Variants in TYRO3 observed in about 807,000 individuals in gnomAD.
The protein encoded by TYRO3 is TYRO3 protein tyrosine kinase, also known as tyrosine-protein kinase receptor TYRO3.
Under a neutral mutation model 95.2 loss-of-function variants are expected in TYRO3, and 38 were observed. The ratio of observed to expected loss-of-function variants is 0.40; its 90% CI spans 0.31 to 0.52. The LOEUF is 0.52. Ranked by LOEUF, TYRO3 falls within the 20% of genes least tolerant of loss-of-function variation. The pLI is 0.56. For missense variants in TYRO3, 812 were observed against 1,116.4 expected, an observed-to-expected ratio of 0.73 and a Z score of 3.89; for synonymous variants, 367 against 432.9, an observed-to-expected ratio of 0.85 and a Z score of 1.89.
In TYRO3 at chr15:41,573,131, C is replaced by A. The variant is rs199869325; in HGVS notation, c.1985+20C>A. On this transcript the variant is annotated intron_variant, in intron 16 of 18. Coordinates refer to ENST00000263798, the MANE Select transcript of TYRO3 (RefSeq NM_006293.4). ...TTGCATGTACGAATTCTGGAGGACT[C>A]GAGGGTGGGAGACAGCAGCAGGTGC... 1.0e-6 allele frequency: 1 copy of A among 1,003,102 alleles called. No individual in the cohort carries two copies. The highest frequency in any genetic ancestry group is 2.3e-5 in the East Asian group (1 of 43,164). The allele number at this position is 1,003,102 out of a possible 1,614,324, so 62.1% of individuals were successfully genotyped here.
At chr15:41,561,803 C>G (rs2055661786) in intron 3 of TYRO3, 164 bp downstream of exon 3, 1 of 523,010 alleles carries the variant, frequency 1.9e-6, no homozygotes, top group Admixed American at 3.6e-5. Context: ...GAAGACCCTA[C>G]CAGTTGGAGT....
intron 18 of TYRO3, among the ~76,000 whole-genome samples, chr15:41,575,897 G>A (rs1031117618): frequency 6.6e-6 from 1 of 151,908 alleles, no homozygotes; most frequent in East Asian, 2.0e-4. Flanking sequence ...CTGAGGTCGG[G>A]AGTTCCAGAC....
rs781207793 is a variant in TYRO3 at position 41,565,106 on chromosome 15, G to A, written c.748G>A (p.Asp250Asn). The change falls in exon 6 of 19, where the codon GAT becomes AAT. Residue 250 changes from aspartate (D) to asparagine (N), a missense_variant. Coordinates refer to ENST00000263798, the MANE Select transcript of TYRO3 (RefSeq NM_006293.4). ...NASVAWMPGA[D>N]GRALLQSCTV... ...TAGTGTGGCCTGGATGCCAGGTGCT[G>A]ATGGCCGAGCTCTGCTACAGTCCTG... 6.2e-7 allele frequency: 1 copy of A among 1,613,166 alleles called. No homozygotes were observed. Among genetic ancestry groups the A allele is most frequent in the African/African-American group, 1.3e-5 (1 of 75,040 alleles).
Position 41,578,332 on chromosome 15 carries a change from G to T in TYRO3, c.*56G>T. The T allele has an allele frequency of 6.2e-7, 1 of 1,604,032 alleles. No homozygotes were observed. The highest frequency in any genetic ancestry group is 8.5e-7 in the Non-Finnish European group (1 of 1,175,166). On this transcript the variant is annotated 3_prime_UTR_variant, in exon 19 of 19. Transcript: ENST00000263798. ...GCCGGCTCTGGTGGCCACTGAGCTGGCTGACTAAGCCCCGTCTGACCCCAG... is the reference window on the plus strand; with the variant it reads ...GCCGGCTCTGGTGGCCACTGAGCTGTCTGACTAAGCCCCGTCTGACCCCAG...
chr15:41,568,379 C>T lies in TYRO3; in HGVS notation c.1107+17C>T, dbSNP rs2055751730. 6.5e-7 allele frequency: 1 copy of T among 1,539,884 alleles called. No individual in the cohort carries two copies. The highest frequency in any genetic ancestry group is 8.9e-7 in the Non-Finnish European group (1 of 1,124,806). ...GGAACCCAGGTAAGACAGAACCCTC[C>T]CCTCTCTCCACTCTCCTGGAGTATA... On this transcript the variant is annotated intron_variant, in intron 8 of 18. Coordinates refer to ENST00000263798, the MANE Select transcript of TYRO3 (RefSeq NM_006293.4).
intron 18 of TYRO3, 56 bp from the exon 19 acceptor site, chr15:41,577,830 G>A: frequency 2.1e-6 from 3 of 1,460,766 alleles, no homozygotes; most frequent in Non-Finnish European, 1.8e-6. Context: ...TGATGAAGGG[G>A]CCCCTGCTTT....
Position 41,577,883 on chromosome 15 carries a change from C to T in TYRO3, c.2283-3C>T. ...CCTTTTCTCACGCTTCTCTCCACCC[C>T]AGGTATGATCTCATGTACCAGTGCT... On this transcript the variant is annotated splice_polypyrimidine_tract_variant and splice_region_variant and intron_variant, in intron 18 of 18. Coordinates refer to ENST00000263798, the MANE Select transcript of TYRO3 (RefSeq NM_006293.4). 1.9e-6 allele frequency: 3 copies of T among 1,610,266 alleles called. No individual in the cohort carries two copies. In the African/African-American group the frequency reaches 4.0e-5, roughly 21 times the overall value.
chr15:41,571,533 C>A (rs1488254521), intron 13 of TYRO3, 62 bp from the exon 14 acceptor site: 1 of 1,176,212 alleles, frequency 8.5e-7, no homozygotes, highest in African/African-American at 1.5e-5. Flanking sequence ...ACCTAGGAGG[C>A]CTGGGTCAAA....
intron 15 of TYRO3, 123 bp downstream of exon 15, chr15:41,572,687 G>A: frequency 7.8e-7 from 1 of 1,286,344 alleles, no homozygotes; most frequent in Non-Finnish European, 1.1e-6. Context: ...GTGGGAGTAG[G>A]AGGGGTCTGA....
rs2055750933 is a variant in TYRO3, at chr15:41,568,337, C to T, written c.1082C>T (p.Ser361Phe). 1.2e-6 allele frequency: 2 copies of T among 1,614,086 alleles called. No homozygotes were observed. The highest frequency in any genetic ancestry group is 1.7e-6 in the Non-Finnish European group (2 of 1,179,982). ...GGCCCCCTGGGACCCTACAAACTGTCCTGGGTTCAAGACAATGGAACCCAG... is the reference window on the plus strand; with the variant it reads ...GGCCCCCTGGGACCCTACAAACTGTTCTGGGTTCAAGACAATGGAACCCAG... ...LEGPLGPYKL[S>F]WVQDNGTQDE... The change falls in exon 8 of 19, where the codon TCC becomes TTC. Residue 361 changes from serine to phenylalanine, a missense_variant. Ser to Phe is a radical substitution (Grantham distance 155). Transcript: ENST00000263798.
In TYRO3 at chr15:41,561,231, G is replaced by A. The variant is rs942112509; in HGVS notation, c.229G>A (p.Val77Met). 5.0e-6 allele frequency: 8 copies of A among 1,614,140 alleles called. No homozygotes were observed. The highest frequency in any genetic ancestry group is 2.7e-5 in the African/African-American group (2 of 74,946). ...EGMEEPDIQW[V>M]KDGAVVQNLD... ...GATGGAGGAGCCTGACATCCAGTGG[G>A]TGAAGGATGGGGCTGTGGTCCAGAA... The change falls in exon 2 of 19, where the codon GTG becomes ATG. Residue 77 changes from valine to methionine, a missense_variant. By Grantham distance (21) the Val-to-Met change is conservative (BLOSUM62 1). Transcript: ENST00000263798.
intron 18 of TYRO3, 74 bp from the exon 19 acceptor site, chr15:41,577,812 G>GT: frequency 6.7e-7 from 1 of 1,486,752 alleles, no homozygotes; most frequent in Non-Finnish European, 9.0e-7. Context: ...TAAAACCCTA[G>GT]TGCCATATGA....
chr15:41,565,236 T>C, intron 6 of TYRO3, 95 bp downstream of exon 6: 1 of 747,208 alleles, frequency 1.3e-6, no homozygotes, highest in African/African-American at 1.7e-5. Context: ...CCTGGGGGCT[T>C]GGTCTGCAGC....
At chr15:41,571,254 A>G in intron 13 of TYRO3, 136 bp downstream of exon 13, 1 of 789,598 alleles carries the variant, frequency 1.3e-6, no homozygotes, top group South Asian at 1.6e-5. Flanking sequence ...GCTCTTTACC[A>G]CACGAATAAT....
chr15:41,562,035 CT>C, intron 3 of TYRO3: 1 of 182,544 alleles, frequency 5.5e-6, no homozygotes, highest in Non-Finnish European at 1.1e-5. Context: ...ACAAAGGGCC[CT>C]GAATGGGAGC....
Position 41,571,016 on chromosome 15 carries a change from CCTTA to C in TYRO3, c.1580-18_1580-15del, listed in dbSNP as rs752340790. On this transcript the variant is annotated intron_variant, in intron 12 of 18. Transcript: ENST00000263798. ...GGAGCAGAGAGCCAAGGAGACTCTCCCTTACTTGGATTGGTTCCTAGGAGAGTTT... is the reference window on the plus strand; with the variant it reads ...GGAGCAGAGAGCCAAGGAGACTCTCCCTTGGATTGGTTCCTAGGAGAGTTT... 3 of 1,612,786 alleles carry C rather than the reference CCTTA, an allele frequency of 1.9e-6. No individual in the cohort carries two copies. The African/African-American group carries it at 4.0e-5, about 22-fold the overall frequency.
At position 41,560,393 on chromosome 15, in the gene TYRO3, ATGTGTGTGTGTGTGTG is replaced by A. The variant is rs369495054; in HGVS notation, c.125-713_125-698del. The stretch of plus-strand genomic sequence containing the variant: ...CCAGGAGGCCAGGAGAGGTGCGTGT[ATGTGTGTGTGTGTGTG>A]TGTGTGTGTGTGTGTGTGTGCGCGC... On this transcript the variant is annotated intron_variant, in intron 1 of 18. Transcript: ENST00000263798. Among the ~76,000 whole-genome samples, 7 of 120,500 alleles carry A rather than the reference ATGTGTGTGTGTGTGTG, an allele frequency of 5.8e-5. No individual in the cohort carries two copies. In the East Asian group the frequency reaches 9.3e-4, roughly 16 times the overall value. 79.1% of individuals were successfully genotyped at this position (120,500 alleles called of 152,430 possible).
In TYRO3 at chr15:41,567,434, G is replaced by A. The variant is rs2055738289; in HGVS notation, c.858G>A (p.Arg286=). The change falls in exon 7 of 19, where the codon CGG becomes CGA. Residue 286 remains arginine, a synonymous_variant. Coordinates refer to ENST00000263798, the MANE Select transcript of TYRO3 (RefSeq NM_006293.4). ...TGCCCCCCTTTACCTGCCTGCTCCG[G>A]GACCTGGTGCCTGCCACCAACTACA... is the stretch of plus-strand genomic sequence containing the variant. ...VPVPPFTCLL[R]DLVPATNYSL... The A allele has an allele frequency of 2.5e-6, 4 of 1,610,022 alleles. No homozygotes were observed. The highest frequency in any genetic ancestry group is 3.4e-6 in the Non-Finnish European group (4 of 1,178,590).
intron 4 of TYRO3, among the ~76,000 whole-genome samples, chr15:41,563,874 T>C (rs1018582916): frequency 6.6e-6 from 1 of 152,184 alleles, no homozygotes; most frequent in Non-Finnish European, 1.5e-5. Context: ...TTGTGCTGTG[T>C]GTGGGAGATG....
Sources: gnomAD v4.1 joint callset for allele counts (sites outside exome capture counted in the v4.1 genomes callset) on GRCh38, gnomAD v4.1.1 for gene constraint, MANE v1.5 for transcripts, NCBI Gene and HGNC (gene_info 2026-07-23, HGNC 2026-07-21) for gene names.